Variants in CSMD1 observed in about 807,000 individuals in gnomAD.
The protein encoded by CSMD1 is CUB and sushi domain-containing protein 1.
In CSMD1, 213 loss-of-function variants were observed where a neutral mutation model predicts 417.5. That is an observed-to-expected ratio of 0.51 (90% CI 0.46 to 0.57). The LOEUF is 0.57. Ranked by LOEUF, CSMD1 falls within the 20% of genes least tolerant of loss-of-function variation. CSMD1 has a pLI of 0.00. For synonymous variants in CSMD1, 2,862 were observed against 1,736.8 expected (o/e 1.65, Z -16.11); for missense variants, 6,923 against 4,529.7 (o/e 1.53, Z -15.17).
At chr8:3,466,577 ATTT>A (rs35761429) in intron 12 of CSMD1, among the ~76,000 whole-genome samples, 2 of 113,598 alleles carry the variant, frequency 1.8e-5, no homozygotes, top group Non-Finnish European at 1.7e-5. Flanking sequence ...CAATCAGCTA[ATTT>A]TTTTTTTTTT....
At chr8:4,438,930 G>T (rs986636896) in intron 2 of CSMD1, among the ~76,000 whole-genome samples, 5 of 152,196 alleles carry the variant, frequency 3.3e-5, no homozygotes, top group Admixed American at 6.5e-5. Flanking sequence ...ACAATATATG[G>T]TGTAGGATTC....
chr8:2,995,272 A>G (rs1268056851), intron 54 of CSMD1, among the ~76,000 whole-genome samples: 3 of 152,242 alleles, frequency 2.0e-5, no homozygotes, highest in African/African-American at 7.2e-5. Context: ...AAGAGTACAG[A>G]TGGGAATAAT....
chr8:4,259,380 A>T (rs1359624437), intron 3 of CSMD1, among the ~76,000 whole-genome samples: 1 of 152,292 alleles, frequency 6.6e-6, no homozygotes, highest in South Asian at 2.1e-4. Context: ...AAAGGAGAGG[A>T]CAGGAGGAGC....
intron 3 of CSMD1, among the ~76,000 whole-genome samples, chr8:4,342,411 A>C (rs1282259680): frequency 6.6e-6 from 1 of 152,108 alleles, no homozygotes; most frequent in East Asian, 1.9e-4. Flanking sequence ...GAATAGGTTA[A>C]TCACTTTCTG....
intron 10 of CSMD1, among the ~76,000 whole-genome samples, chr8:3,549,508 G>C (rs991851749): frequency 1.3e-5 from 2 of 152,172 alleles, no homozygotes; most frequent in Non-Finnish European, 2.9e-5. Context: ...AGCTTGGGTC[G>C]TCAGGGCTCT....
intron 12 of CSMD1, among the ~76,000 whole-genome samples, chr8:3,452,761 T>A: frequency 6.6e-6 from 1 of 152,198 alleles, no homozygotes; most frequent in East Asian, 1.9e-4. Context: ...TCATCAGGGA[T>A]ATTGGTCTAA....
At chr8:4,393,181 G>C (rs561855605) in intron 3 of CSMD1, among the ~76,000 whole-genome samples, 1 of 151,940 alleles carries the variant, frequency 6.6e-6, no homozygotes, top group African/African-American at 2.4e-5. Flanking sequence ...TCACCATGTT[G>C]CCCAGGATGG....
intron 41 of CSMD1, among the ~76,000 whole-genome samples, chr8:3,130,271 T>G (rs556041797): frequency 1.3e-5 from 2 of 152,118 alleles, no homozygotes; most frequent in African/African-American, 4.8e-5. Flanking sequence ...GAGGGGACAG[T>G]TGAGCAGGAA....
At chr8:4,538,942 T>G (rs781263152) in intron 2 of CSMD1, among the ~76,000 whole-genome samples, 1 of 152,210 alleles carries the variant, frequency 6.6e-6, no homozygotes, top group Non-Finnish European at 1.5e-5. Context: ...CAGAAAGCTT[T>G]ATTTTTTCAG....
At chr8:3,470,832 G>C (rs1817050809) in intron 11 of CSMD1, among the ~76,000 whole-genome samples, 1 of 152,154 alleles carries the variant, frequency 6.6e-6, no homozygotes, top group African/African-American at 2.4e-5. Context: ...ATTTATCCCA[G>C]TTGTTGTTTA....
At chr8:4,392,739 GC>G (rs1413816860) in intron 3 of CSMD1, among the ~76,000 whole-genome samples, 4 of 151,768 alleles carry the variant, frequency 2.6e-5, no homozygotes, top group African/African-American at 9.7e-5. Flanking sequence ...GGAGGCTGAG[GC>G]GGGCGGATCA....
intron 51 of CSMD1, among the ~76,000 whole-genome samples, chr8:3,026,345 T>C (rs1809919040): frequency 1.3e-5 from 2 of 151,820 alleles, no homozygotes; most frequent in East Asian, 1.9e-4. Context: ...CCTCGCTGGA[T>C]CCCACTGGAG....
chr8:4,734,243 T>C (rs1461445583), intron 1 of CSMD1, among the ~76,000 whole-genome samples: 1 of 152,178 alleles, frequency 6.6e-6, no homozygotes, highest in Non-Finnish European at 1.5e-5. Context: ...TTTTCTAGCT[T>C]TCAAGAAATC....
intron 23 of CSMD1, 95 bp downstream of exon 23, chr8:3,343,199 G>C (rs1807774762): frequency 8.9e-7 from 1 of 1,118,006 alleles, no homozygotes; most frequent in East Asian, 2.5e-5. Context: ...TAGGCAGCCA[G>C]AAAAAAATCA....
chr8:3,923,642 C>A (rs1809438020), intron 5 of CSMD1, among the ~76,000 whole-genome samples: 1 of 152,146 alleles, frequency 6.6e-6, no homozygotes, highest in Admixed American at 6.6e-5. Context: ...ACTCTACTCT[C>A]TTAGAAATTT....
intron 2 of CSMD1, among the ~76,000 whole-genome samples, chr8:4,588,464 T>G (rs1211703587): frequency 6.6e-6 from 1 of 151,590 alleles, no homozygotes; most frequent in Non-Finnish European, 1.5e-5. Context: ...TGCACTGTAT[T>G]TGAAACAGTG....
At chr8:3,444,559 G>A (rs1257591583) in intron 12 of CSMD1, among the ~76,000 whole-genome samples, 2 of 152,120 alleles carry the variant, frequency 1.3e-5, no homozygotes, top group Admixed American at 6.5e-5. Flanking sequence ...CACACTGAGG[G>A]TGAGGATGCT....
At chr8:4,469,165 G>A (rs1800369992) in intron 2 of CSMD1, among the ~76,000 whole-genome samples, 1 of 152,114 alleles carries the variant, frequency 6.6e-6, no homozygotes, top group Non-Finnish European at 1.5e-5. Context: ...CTTACTTAAA[G>A]ACAAATACAC....
At chr8:3,114,622 T>G (rs1212620447) in intron 42 of CSMD1, among the ~76,000 whole-genome samples, 1 of 152,020 alleles carries the variant, frequency 6.6e-6, no homozygotes, top group Admixed American at 6.6e-5. Flanking sequence ...GCACTCTGTC[T>G]TGGAAATTGC....
Sources: gnomAD v4.1 joint callset for allele counts (sites outside exome capture counted in the v4.1 genomes callset) on GRCh38, gnomAD v4.1.1 for gene constraint, MANE v1.5 for transcripts, NCBI Gene and HGNC (gene_info 2026-07-23, HGNC 2026-07-21) for gene names.